YLPM1: variants seen among roughly 807,000 people sequenced by gnomAD.
YLPM1 encodes YLP motif containing 1, also known as YLP motif-containing protein 1.
A neutral mutation model predicts 230.0 loss-of-function variants in YLPM1; 99 were observed. That is an observed-to-expected ratio of 0.43 (90% CI 0.37 to 0.51). The LOEUF is 0.51. YLPM1 is among the 20% of genes least tolerant of loss of function. The pLI, the probability that YLPM1 is intolerant of heterozygous loss-of-function variation, is 0.00. For missense variants in YLPM1, 2,592 were observed against 2,707.7 expected (o/e 0.96, Z 0.95); for synonymous variants, 984 against 942.5 (o/e 1.04, Z -0.81).
chr14:74,787,648 G>A (rs958604403), intron 4 of YLPM1, among the ~76,000 whole-genome samples: 3 of 151,886 alleles, frequency 2.0e-5, no homozygotes, highest in Non-Finnish European at 1.5e-5. Context: ...AGTCTTTACC[G>A]TTTACCTTTT....
chr14:74,824,120 T>TC (rs1258912616), intron 17 of YLPM1, 136 bp from the exon 18 acceptor site: 3 of 747,136 alleles, frequency 4.0e-6, no homozygotes, highest in Non-Finnish European at 6.5e-6. Context: ...AGATTGTGTT[T>TC]CCCCTAAGGA....
At chr14:74,796,750 C>CTTT (rs755667903) in intron 4 of YLPM1, among the ~76,000 whole-genome samples, 1 of 127,034 alleles carries the variant, frequency 7.9e-6, no homozygotes, top group Non-Finnish European at 1.7e-5. Context: ...GCTACTGTTT[C>CTTT]TTTTTTTTTT....
At chr14:74,769,167 C>G (rs1055156259) in intron 1 of YLPM1, among the ~76,000 whole-genome samples, 6 of 150,984 alleles carry the variant, frequency 4.0e-5, no homozygotes, top group African/African-American at 1.5e-4. Context: ...CCTCCGCCTT[C>G]CGGGTTTAAG....
Position 74,763,623 on chromosome 14 carries a change from C to T in YLPM1, c.134C>T (p.Pro45Leu), listed in dbSNP as rs781230773. 3.8e-6 allele frequency: 6 copies of T among 1,592,084 alleles called. No homozygotes were observed. Among genetic ancestry groups the T allele is most frequent in the South Asian group, 1.1e-5 (1 of 89,710 alleles). ...GYSSSTTPAA[P>L]SSSGFMSFRE... ...TCGAGCTCGACGACTCCCGCGGCCCCCTCCTCCTCGGGCTTCATGAGCTTC... is the reference window on the plus strand; with the variant it reads ...TCGAGCTCGACGACTCCCGCGGCCCTCTCCTCCTCGGGCTTCATGAGCTTC... Residue 45 changes from proline to leucine, a missense_variant, in exon 1 of 21, where the codon CCC becomes CTC. Pro to Leu is a moderately conservative substitution (Grantham distance 98). Around this residue, in one of 4 missense-constraint regions of YLPM1, gnomAD observed 1,862 missense variants for 1,819.8 expected, o/e 1.02. Transcript: ENST00000325680.
chr14:74,764,051 C>A lies in YLPM1; in HGVS notation c.562C>A (p.Gln188Lys). The change falls in exon 1 of 21, where the codon CAG becomes AAG. Residue 188 changes from glutamine (Q) to lysine (K), a missense_variant. Physicochemically the swap from Gln to Lys is moderately conservative, Grantham distance 53. Around this residue, in one of 4 missense-constraint regions of YLPM1, gnomAD observed 1,862 missense variants for 1,819.8 expected, o/e 1.02. Coordinates refer to ENST00000325680, the MANE Select transcript of YLPM1 (RefSeq NM_019589.3). ...TSSQPYLPPA[Q>K]PSPSQSPPSQ... ...ATCTCAGCCCTACCTGCCTCCTGCT[C>A]AGCCGTCCCCTTCGCAGTCCCCACC... 1 of 1,612,710 alleles carries A rather than the reference C, an allele frequency of 6.2e-7. No individual in the cohort carries two copies. The highest frequency in any genetic ancestry group is 8.5e-7 in the Non-Finnish European group (1 of 1,179,568).
intron 2 of YLPM1, among the ~76,000 whole-genome samples, chr14:74,779,270 A>G (rs140739738): frequency 1.6e-3 from 239 of 152,310 alleles, no homozygotes; most frequent in Middle Eastern, 3.4e-3. Context: ...GCACAGGGCA[A>G]TAGTTGAGTG....
At chr14:74,774,676 G>A (rs2091014875) in intron 1 of YLPM1, among the ~76,000 whole-genome samples, 1 of 152,170 alleles carries the variant, frequency 6.6e-6, no homozygotes, top group Non-Finnish European at 1.5e-5. Flanking sequence ...AGAGTGCTGG[G>A]ATTACAGGCG....
intron 6 of YLPM1, 55 bp downstream of exon 6, chr14:74,802,731 A>G (rs1427721097): frequency 2.7e-6 from 4 of 1,484,560 alleles, no homozygotes; most frequent in East Asian, 2.5e-5. Flanking sequence ...GTATGTTTCT[A>G]TGTTGTTTGA....
At chr14:74,822,644 C>A (rs1192054092) in intron 17 of YLPM1, among the ~76,000 whole-genome samples, 1 of 152,082 alleles carries the variant, frequency 6.6e-6, no homozygotes, top group Non-Finnish European at 1.5e-5. Flanking sequence ...TTAACCCATT[C>A]AAAGATGCAG....
intron 16 of YLPM1, among the ~76,000 whole-genome samples, chr14:74,819,475 A>G (rs2091504204): frequency 6.6e-6 from 1 of 151,980 alleles, no homozygotes; most frequent in South Asian, 2.1e-4. Context: ...GAGTTTCACC[A>G]TGTTGGCCAG....
intron 4 of YLPM1, among the ~76,000 whole-genome samples, chr14:74,789,105 G>T (rs1334911450): frequency 2.0e-5 from 3 of 152,084 alleles, no homozygotes; most frequent in Non-Finnish European, 4.4e-5. Context: ...CTCCATTCCT[G>T]TGGTCTATTT....
At chr14:74,822,909 G>A (rs2091533908) in intron 17 of YLPM1, among the ~76,000 whole-genome samples, 1 of 152,048 alleles carries the variant, frequency 6.6e-6, no homozygotes, top group Non-Finnish European at 1.5e-5. Context: ...AGTGAACCTA[G>A]TAGATAAAAT....
intron 17 of YLPM1, 170 bp from the exon 18 acceptor site, chr14:74,824,086 C>A: frequency 1.6e-6 from 1 of 626,200 alleles, no homozygotes; most frequent in Non-Finnish European, 2.7e-6. Context: ...TGAATTTGGT[C>A]ATTTAGTTTC....
chr14:74,818,200 A>C (rs758551976), intron 15 of YLPM1, 31 bp from the exon 16 acceptor site: 1 of 1,542,222 alleles, frequency 6.5e-7, no homozygotes, highest in East Asian at 2.3e-5. Context: ...TAGTTTCTAG[A>C]GATAACTCAA....
At chr14:74,815,910 T>G (rs1339562343) in intron 11 of YLPM1, among the ~76,000 whole-genome samples, 1 of 152,146 alleles carries the variant, frequency 6.6e-6, no homozygotes. Context: ...TCTTGATTTC[T>G]GGTTCCTCTT....
intron 19 of YLPM1, among the ~76,000 whole-genome samples, chr14:74,830,843 C>T (rs1298605846): frequency 6.6e-6 from 1 of 152,184 alleles, no homozygotes; most frequent in Non-Finnish European, 1.5e-5. Context: ...CAGGAGGGCA[C>T]CAAGACATTC....
At chr14:74,825,912 A>G (rs2091557857) in intron 18 of YLPM1, among the ~76,000 whole-genome samples, 1 of 152,180 alleles carries the variant, frequency 6.6e-6, no homozygotes, top group Admixed American at 6.5e-5. Flanking sequence ...TCAAGAATAT[A>G]TATTAATATT....
chr14:74,810,183 T>C (rs749456509), intron 8 of YLPM1, 42 bp from the exon 9 acceptor site: 1 of 1,578,966 alleles, frequency 6.3e-7, no homozygotes, highest in African/African-American at 1.4e-5. Flanking sequence ...CTTTTATTTC[T>C]ATAAAAGGGA....
chr14:74,817,554 C>T (rs925020545), intron 15 of YLPM1, among the ~76,000 whole-genome samples: 10 of 152,190 alleles, frequency 6.6e-5, no homozygotes, highest in Non-Finnish European at 1.5e-4. Context: ...GATGTTCACA[C>T]AATGACAAAA....
Sources: allele counts gnomAD v4.1 joint callset (sites outside exome capture counted in the v4.1 genomes callset), GRCh38; gene constraint gnomAD v4.1.1; regional missense constraint gnomAD v4.1.1; transcripts MANE v1.5; gene names NCBI Gene and HGNC (gene_info 2026-07-23, HGNC 2026-07-21).